The following CLDN16 variants were observed in gnomAD, a reference collection of about 807,000 sequenced individuals.
CLDN16 encodes the protein claudin 16.
Under a neutral mutation model 24.6 loss-of-function variants are expected in CLDN16, and 13 were observed. The observed-to-expected ratio is 0.53, with a 90% CI of 0.34 to 0.84. CLDN16 has a LOEUF of 0.84. Ranked by LOEUF, CLDN16 falls within the 40% of genes least tolerant of loss-of-function variation. The pLI is 0.01. For missense variants in CLDN16, 298 were observed against 292.7 expected (o/e 1.02, Z -0.13); for synonymous variants, 116 against 106.7 (o/e 1.09, Z -0.54).
chr3:190,292,342 A>G, the CLDN16 span, among the ~76,000 whole-genome samples: 1 of 152,292 alleles, frequency 6.6e-6, no homozygotes, highest in Middle Eastern at 3.4e-3. Context: ...CCCAAGCTGT[A>G]CCTTGGCCCC....
At chr3:190,312,812 G>C in the CLDN16 span, 1 of 1,580,776 alleles carries the variant, frequency 6.3e-7, no homozygotes, top group East Asian at 2.2e-5. Flanking sequence ...CAACGTAATA[G>C]ATTTCAAATC....
the CLDN16 span, chr3:190,308,465 T>C: frequency 1.2e-6 from 2 of 1,611,570 alleles, no homozygotes; most frequent in African/African-American, 2.7e-5. Context: ...CATGTGCTTG[T>C]TAATCAGTGA....
chr3:190,326,590 T>C (rs922265382), intron 1 of CLDN16, among the ~76,000 whole-genome samples: 3 of 152,208 alleles, frequency 2.0e-5, no homozygotes, highest in African/African-American at 7.2e-5. Flanking sequence ...GGCGATGTGA[T>C]ATCAGATGAC....
chr3:190,388,325 C>A lies in CLDN16; in HGVS notation c.-5C>A. On this transcript the variant is annotated 5_prime_UTR_variant, in exon 1 of 5. Coordinates refer to ENST00000264734, the MANE Select transcript of CLDN16 (RefSeq NM_006580.4). ...TGTTGCCATCCTGATGGGCTGCTTG[C>A]CACAATGAGGGATCTTCTTCAATAC... is the stretch of plus-strand genomic sequence containing the variant. 1 of 1,614,118 alleles carries A rather than the reference C, an allele frequency of 6.2e-7. No homozygotes were observed. The highest frequency in any genetic ancestry group is 8.5e-7 in the Non-Finnish European group (1 of 1,179,996).
intron 3 of CLDN16, among the ~76,000 whole-genome samples, chr3:190,380,971 T>C (rs1718358712): frequency 2.0e-5 from 3 of 151,500 alleles, no homozygotes; most frequent in Admixed American, 1.3e-4. Context: ...GTTATTCAGA[T>C]GAACAATGAG....
At chr3:190,372,331 A>T (rs1298584481) in intron 2 of CLDN16, among the ~76,000 whole-genome samples, 2 of 151,626 alleles carry the variant, frequency 1.3e-5, no homozygotes, top group Non-Finnish European at 2.9e-5. Context: ...CAGTTTCCTC[A>T]CAAACAAACC....
the CLDN16 span, among the ~76,000 whole-genome samples, chr3:190,298,994 G>C: frequency 3.4e-4 from 51 of 152,146 alleles, no homozygotes; most frequent in Admixed American, 1.3e-3. Flanking sequence ...ATATGAAGTT[G>C]GATGTTTAAA....
At chr3:190,322,522 G>T, upstream of CLDN16, 2 of 351,212 alleles carry the variant, frequency 5.7e-6, no homozygotes, top group Non-Finnish European at 1.1e-5. Context: ...GCCCCCTGGC[G>T]GTTTCAGGGC....
At chr3:190,323,025 C>CACACACACACACAA (rs559057976) in intron 1 of CLDN16, among the ~76,000 whole-genome samples, 7 of 151,416 alleles carry the variant, frequency 4.6e-5, no homozygotes, top group African/African-American at 1.7e-4. Context: ...CACACACACA[C>CACACACACACACAA]ACAGACACAC....
chr3:190,330,447 G>C (rs1007151307), intron 1 of CLDN16, among the ~76,000 whole-genome samples: 2 of 152,138 alleles, frequency 1.3e-5, no homozygotes, highest in African/African-American at 4.8e-5. Flanking sequence ...TCCAATCTTG[G>C]CTTTGCTGGT....
intron 4 of CLDN16, among the ~76,000 whole-genome samples, chr3:190,408,975 G>A (rs956147774): frequency 3.3e-5 from 5 of 150,124 alleles, no homozygotes; most frequent in Non-Finnish European, 7.4e-5. Flanking sequence ...ATACATATAT[G>A]TATAATTGTA....
At chr3:190,331,930 A>C (rs1717188667) in intron 1 of CLDN16, among the ~76,000 whole-genome samples, 1 of 152,170 alleles carries the variant, frequency 6.6e-6, no homozygotes, top group Non-Finnish European at 1.5e-5. Flanking sequence ...GCTCATGGCC[A>C]TCTTCCTCCG....
intron 1 of CLDN16, among the ~76,000 whole-genome samples, chr3:190,325,832 A>G (rs1717048943): frequency 6.6e-6 from 1 of 152,246 alleles, no homozygotes; most frequent in Non-Finnish European, 1.5e-5. Flanking sequence ...GAATGAACAC[A>G]TTACTAAGTA....
At chr3:190,363,254 A>G (rs1215148156) in intron 1 of CLDN16, among the ~76,000 whole-genome samples, 3 of 151,588 alleles carry the variant, frequency 2.0e-5, no homozygotes. Context: ...TTCTAATTTC[A>G]AGTATTGCAT....
the CLDN16 span, among the ~76,000 whole-genome samples, chr3:190,296,275 T>C: frequency 1.3e-5 from 2 of 152,152 alleles, no homozygotes; most frequent in African/African-American, 4.8e-5. Flanking sequence ...AAATATAATA[T>C]TCTGTCATTC....
chr3:190,385,188 A>G (rs1718467040), upstream of CLDN16, among the ~76,000 whole-genome samples: 1 of 152,170 alleles, frequency 6.6e-6, no homozygotes, highest in African/African-American at 2.4e-5. Flanking sequence ...AAACTATAAA[A>G]GAGTTGATAA....
chr3:190,373,911 T>C (rs1270117316), intron 2 of CLDN16, among the ~76,000 whole-genome samples: 1 of 151,858 alleles, frequency 6.6e-6, no homozygotes, highest in Non-Finnish European at 1.5e-5. Context: ...GAGATCCTTA[T>C]ACATTTCCCT....
At chr3:190,401,740 A>G (rs1034387932) in intron 1 of CLDN16, among the ~76,000 whole-genome samples, 1 of 152,156 alleles carries the variant, frequency 6.6e-6, no homozygotes, top group Non-Finnish European at 1.5e-5. Flanking sequence ...AGCATTTATA[A>G]TATATCATTG....
chr3:190,357,670 C>T lies in CLDN16; in HGVS notation n.122-13223C>T, dbSNP rs866551409. Among the ~76,000 whole-genome samples the T allele has an allele frequency of 4.1e-4, 62 of 152,056 alleles. No homozygotes were observed. The Middle Eastern group carries it at 0.01, about 25-fold the overall frequency. ...ACACCCTGCACACTTGGTATGTTGACTGTGTTTTTCCTCTTTCACAGGTTG... is the reference window on the plus strand; with the variant it reads ...ACACCCTGCACACTTGGTATGTTGATTGTGTTTTTCCTCTTTCACAGGTTG... On this transcript the variant is annotated intron_variant and non_coding_transcript_variant, in intron 1 of 4. Transcript: ENST00000468220.
Sources: gnomAD v4.1 joint callset for allele counts (sites outside exome capture counted in the v4.1 genomes callset) on GRCh38, gnomAD v4.1.1 for gene constraint, MANE v1.5 for transcripts, NCBI Gene and HGNC (gene_info 2026-07-23, HGNC 2026-07-21) for gene names.